Variants in ADAMTS13 observed in about 807,000 individuals in gnomAD.
ADAMTS13 encodes the protein A disintegrin and metalloproteinase with thrombospondin motifs 13.
In ADAMTS13, 110 loss-of-function variants were observed where a neutral mutation model predicts 155.1. That is an observed-to-expected ratio of 0.71 (90% CI 0.61 to 0.83). The LOEUF (loss-of-function observed/expected upper bound fraction) is 0.83, where lower values mean the gene tolerates loss of function less well. Ranked by LOEUF, ADAMTS13 falls within the 40% of genes least tolerant of loss-of-function variation. ADAMTS13 has a pLI of 0.00. For missense variants in ADAMTS13, 1,707 were observed against 1,891.7 expected, an observed-to-expected ratio of 0.90 and a Z score of 1.81; for synonymous variants, 758 against 756.4, an observed-to-expected ratio of 1.00 and a Z score of -0.03.
At chr9:133,414,827 T>C (rs1839471410) in intron 1 of ADAMTS13, 3 of 1,614,220 alleles carry the variant, frequency 1.9e-6, no homozygotes, top group Non-Finnish European at 1.7e-6. Context: ...CCTGTCCATC[T>C]TGGAACCTGA....
chr9:133,426,983 A>G (rs964223726), intron 6 of ADAMTS13, among the ~76,000 whole-genome samples: 1 of 152,054 alleles, frequency 6.6e-6, no homozygotes, highest in African/African-American at 2.4e-5. Context: ...TTGTATTTTT[A>G]GTAGAGACAG....
Position 133,456,281 on chromosome 9 carries a change from G to T in ADAMTS13, c.3547+66G>T. ...CCCTGCCAGGAGCCAGCACGACGCTGCATGCCCCATTCCTGGCAGGAGCCC... is the reference window on the plus strand; with the variant it reads ...CCCTGCCAGGAGCCAGCACGACGCTTCATGCCCCATTCCTGGCAGGAGCCC... On this transcript the variant is annotated intron_variant, in intron 26 of 28. Transcript: ENST00000355699. This position sits in a 1 kb window ranked among gnomAD's most constrained non-coding sequence, Gnocchi z 4.4. The T allele has an allele frequency of 6.2e-7, 1 of 1,607,820 alleles. No homozygotes were observed. The highest frequency in any genetic ancestry group is 1.7e-5 in the Admixed American group (1 of 59,608).
In ADAMTS13 at chr9:133,457,502, C is replaced by A. The variant is rs587629256; in HGVS notation, c.3725-408C>A. Among the ~76,000 whole-genome samples, 18 of 152,384 alleles carry A rather than the reference C, an allele frequency of 1.2e-4. No homozygotes were observed. The South Asian group carries it at 3.7e-3, about 32-fold the overall frequency. The stretch of plus-strand genomic sequence containing the variant: ...GCTTCCCGGCCCAGCCCCGCCCACA[C>A]AGGCATCTGCCTTGAAAGAGGTGCA... On this transcript the variant is annotated intron_variant, in intron 27 of 28. Coordinates refer to ENST00000355699, the MANE Select transcript of ADAMTS13 (RefSeq NM_139027.6).
intron 8 of ADAMTS13, among the ~76,000 whole-genome samples, chr9:133,431,917 T>G (rs1399694237): frequency 6.6e-6 from 1 of 152,044 alleles, no homozygotes; most frequent in African/African-American, 2.4e-5. Flanking sequence ...GCCTTCCAAA[T>G]TGCTGGGATT....
At position 133,441,245 on chromosome 9, in the gene ADAMTS13, C is replaced by T. The variant is rs1841649122; in HGVS notation, c.1968+720C>T. Among the ~76,000 whole-genome samples, 1 of 152,140 alleles carries T rather than the reference C, an allele frequency of 6.6e-6. No individual in the cohort carries two copies. Among genetic ancestry groups the T allele is most frequent in the Non-Finnish European group, 1.5e-5 (1 of 68,020 alleles). On this transcript the variant is annotated intron_variant, in intron 16 of 28. Coordinates refer to ENST00000355699, the MANE Select transcript of ADAMTS13 (RefSeq NM_139027.6). The surrounding 1 kb of genome is among the most constrained non-coding windows in gnomAD (Gnocchi z 5.0). ...CAGCGGCCGGAGCAGCGTCCTCTGC[C>T]CCTACAGCAGCCAGAGACAGGAGGG...
chr9:133,430,371 G>T (rs1554787002), intron 8 of ADAMTS13, among the ~76,000 whole-genome samples: 1 of 152,198 alleles, frequency 6.6e-6, no homozygotes, highest in Non-Finnish European at 1.5e-5. Context: ...TCCTGGCTGA[G>T]TGAGGACACC....
intron 19 of ADAMTS13, 45 bp from the exon 20 acceptor site, chr9:133,444,818 G>C: frequency 6.2e-7 from 1 of 1,602,478 alleles, no homozygotes; most frequent in Non-Finnish European, 8.5e-7. Context: ...ACCTTCCCCT[G>C]GGTGGCAGAG....
intron 28 of ADAMTS13, 25 bp downstream of exon 28, chr9:133,458,119 G>C (rs1554796731): frequency 6.2e-7 from 1 of 1,610,994 alleles, no homozygotes; most frequent in Non-Finnish European, 8.5e-7. Context: ...GGGGACTTGT[G>C]CTGTGATTCT....
Position 133,424,930 on chromosome 9 carries a change from C to T in ADAMTS13, c.330+452C>T, listed in dbSNP as rs184487614. Reference sequence around the variant, plus strand: ...AGACTGCTGGCAAAGGAGATGCCCACCTTCATTTCTTGCTAGCACCTGAAT... The same window carrying T: ...AGACTGCTGGCAAAGGAGATGCCCATCTTCATTTCTTGCTAGCACCTGAAT... On this transcript the variant is annotated intron_variant, in intron 3 of 28. Transcript: ENST00000355699. The surrounding 1 kb of genome is among the most constrained non-coding windows in gnomAD (Gnocchi z 4.3). Among the ~76,000 whole-genome samples, 7 of 152,324 alleles carry T rather than the reference C, an allele frequency of 4.6e-5. No individual in the cohort carries two copies. Among genetic ancestry groups the T allele is most frequent in the Admixed American group, 3.9e-4 (6 of 15,300 alleles).
chr9:133,442,272 G>C, intron 16 of ADAMTS13, 127 bp from the exon 17 acceptor site: 1 of 1,475,262 alleles, frequency 6.8e-7, no homozygotes, highest in Non-Finnish European at 9.4e-7. Context: ...TGCCTGGCCA[G>C]TGATTGCTTG....
At chr9:133,451,045 G>C (rs1427505361) in intron 23 of ADAMTS13, among the ~76,000 whole-genome samples, 1 of 152,232 alleles carries the variant, frequency 6.6e-6, no homozygotes, top group Non-Finnish European at 1.5e-5. Context: ...TCAAGTCCGT[G>C]GGGTCCGGAG....
At chr9:133,431,403 T>G (rs1275237246) in intron 8 of ADAMTS13, among the ~76,000 whole-genome samples, 2 of 150,662 alleles carry the variant, frequency 1.3e-5, no homozygotes, top group African/African-American at 4.9e-5. Flanking sequence ...CTTGGCTTAC[T>G]GCAACCTCCG....
At chr9:133,450,066 A>C in intron 23 of ADAMTS13, 101 bp downstream of exon 23, 1 of 1,415,754 alleles carries the variant, frequency 7.1e-7, no homozygotes, top group Non-Finnish European at 9.6e-7. Flanking sequence ...GGAAAGCTGA[A>C]TCAGGAGAAC....
At chr9:133,419,923 A>G (rs1839883707), upstream of ADAMTS13, among the ~76,000 whole-genome samples, 1 of 129,614 alleles carries the variant, frequency 7.7e-6, no homozygotes, top group African/African-American at 2.9e-5. Flanking sequence ...TTTTTTTTTG[A>G]GACGAAGTTA....
chr9:133,414,372 C>G (rs1282877242), exon 1 of ADAMTS13: 9 of 615,648 alleles, frequency 1.5e-5, no homozygotes, highest in Non-Finnish European at 2.4e-5. Context: ...TGGCGAGAAG[C>G]AGGGACAGGC....
Position 133,455,935 on chromosome 9 carries a change from A to C in ADAMTS13, c.3401-134A>C, listed in dbSNP as rs1842716286. On this transcript the variant is annotated intron_variant, in intron 25 of 28. Transcript: ENST00000355699. The stretch of plus-strand genomic sequence containing the variant: ...TGCAGCCCCCCTCCCTGTCCTGAGA[A>C]GGCTTCCAGCTGGGCCTTGGAGGAC... 4.2e-6 allele frequency: 5 copies of C among 1,196,810 alleles called. No individual in the cohort carries two copies. The South Asian group carries it at 6.4e-5, about 15-fold the overall frequency. The allele number at this position is 1,196,810 out of a possible 1,614,324, so 74.1% of individuals were successfully genotyped here. A position where few individuals can be genotyped will look rare whatever the true frequency, so the allele number is the denominator to read the frequency against.
chr9:133,436,101 GC>G (rs1841191084), intron 11 of ADAMTS13, among the ~76,000 whole-genome samples: 1 of 150,242 alleles, frequency 6.7e-6, no homozygotes, highest in South Asian at 2.1e-4. Flanking sequence ...ACACGCGTGA[GC>G]CATGGCGCCC....
rs1333514097 is a variant in ADAMTS13, at chr9:133,435,997, T to A, written c.1309-832T>A. ...CTCTTCTTTTTTTTTTTTTTTTTTTTAATAGAGATGGGGTTTTGTCATGTT... is the reference window on the plus strand; with the variant it reads ...CTCTTCTTTTTTTTTTTTTTTTTTTAAATAGAGATGGGGTTTTGTCATGTT... On this transcript the variant is annotated intron_variant, in intron 11 of 28. Transcript: ENST00000355699. Among the ~76,000 whole-genome samples, 655 of 149,254 alleles carry A rather than the reference T, an allele frequency of 4.4e-3. 4 individuals are homozygous for A. Among genetic ancestry groups the A allele is most frequent in the African/African-American group, 0.016 (631 of 40,658 alleles).
At chr9:133,455,812 C>A in intron 25 of ADAMTS13, 1 of 799,844 alleles carries the variant, frequency 1.3e-6, no homozygotes, top group Non-Finnish European at 2.0e-6. Context: ...AGGAACCCAG[C>A]TTGTGAGCCC....
Sources: gnomAD v4.1 joint callset for allele counts (sites outside exome capture counted in the v4.1 genomes callset) on GRCh38, gnomAD v4.1.1 for gene constraint, Gnocchi (gnomAD v3.1) non-coding constraint, MANE v1.5 for transcripts, NCBI Gene and HGNC (gene_info 2026-07-23, HGNC 2026-07-21) for gene names.